NT5C: variants seen among roughly 807,000 people sequenced by gnomAD.
NT5C encodes 5', 3'-nucleotidase, cytosolic.
In NT5C, 14 loss-of-function variants were observed where a neutral mutation model predicts 17.6. That is an observed-to-expected ratio of 0.79 (90% CI 0.52 to 1.24). NT5C has a LOEUF of 1.24. Among genes scored for constraint, NT5C ranks in the 50% most tolerant of loss-of-function variants. The pLI is 0.00. For missense variants in NT5C, 328 were observed against 278.3 expected (o/e 1.18, Z -1.27); for synonymous variants, 153 against 119.2 (o/e 1.28, Z -1.85).
At position 75,131,683 on chromosome 17, in the gene NT5C, C is replaced by T; in HGVS notation, c.25G>A (p.Val9Met). The T allele has an allele frequency of 7.6e-7, 1 of 1,318,042 alleles. No homozygotes were observed. Among genetic ancestry groups the T allele is most frequent in the South Asian group, 2.1e-5 (1 of 47,858 alleles). The allele number at this position is 1,318,042 out of a possible 1,614,324, so 81.6% of individuals were successfully genotyped here. Residue 9 changes from valine to methionine, a missense_variant, in exon 1 of 5, where the codon GTG (valine) becomes ATG (methionine). Coordinates refer to ENST00000245552, the MANE Select transcript of NT5C (RefSeq NM_014595.3). MARSVRVL[V>M]DMDGVLADFE... ...TCGGCCAGGACGCCGTCCATGTCCA[C>T]CAGCACGCGCACGCTCCGCGCCATC...
At position 75,131,742 on chromosome 17, in the gene NT5C, T is replaced by A; in HGVS notation, c.-35A>T. On this transcript the variant is annotated 5_prime_UTR_variant, in exon 1 of 5. Transcript: ENST00000245552. Reference sequence around the variant, plus strand: ...GCCGGAGCTGCGAGCTCTCGGGGTCTGGGGGGCGCGGGCTCGGCCGGAAGC... The same window carrying A: ...GCCGGAGCTGCGAGCTCTCGGGGTCAGGGGGGCGCGGGCTCGGCCGGAAGC... 8.0e-7 allele frequency: 1 copy of A among 1,254,144 alleles called. No homozygotes were observed. The highest frequency in any genetic ancestry group is 1.0e-6 in the Non-Finnish European group (1 of 999,422). 77.7% of individuals were successfully genotyped at this position (1,254,144 alleles called of 1,614,324 possible).
At position 75,130,589 on chromosome 17, in the gene NT5C, G is replaced by A. The variant is rs752992129; in HGVS notation, c.505C>T (p.Arg169Trp). The A allele has an allele frequency of 6.2e-7, 1 of 1,614,080 alleles. No homozygotes were observed. ...EHILFTCCHN[R>W]HLVLPPTRRR... ...CTTGTCGGGGGCAGGACCAGGTGCC[G>A]ATTGTGGCAGCAGGTGAACAAGATG... Residue 169 changes from arginine to tryptophan, a missense_variant, in exon 5 of 5, where the codon CGG (arginine) becomes TGG (tryptophan). Arg to Trp is a moderately radical substitution (Grantham distance 101). Coordinates refer to ENST00000245552, the MANE Select transcript of NT5C (RefSeq NM_014595.3).
rs376973779 is a variant in NT5C, at chr17:75,131,112, A to G, written c.276-7T>C. 6.6e-5 allele frequency: 106 copies of G among 1,613,066 alleles called. No individual in the cohort carries two copies. Among genetic ancestry groups the G allele is most frequent in the Non-Finnish European group, 8.1e-5 (95 of 1,179,930 alleles). On this transcript the variant is annotated splice_polypyrimidine_tract_variant and splice_region_variant and intron_variant, in intron 2 of 4. Coordinates refer to ENST00000245552, the MANE Select transcript of NT5C (RefSeq NM_014595.3). ...GCAGATGAAGACCTGCGTGCTGCGGAGAAGGACGCGGTTACCGCCGGGAGC... is the reference window on the plus strand; with the variant it reads ...GCAGATGAAGACCTGCGTGCTGCGGGGAAGGACGCGGTTACCGCCGGGAGC...
At chr17:75,131,422 T>C (rs2074123017) in intron 1 of NT5C, 112 bp downstream of exon 1, 2 of 1,392,092 alleles carry the variant, frequency 1.4e-6, no homozygotes, top group Non-Finnish European at 1.9e-6. Flanking sequence ...CTCCCCAGGG[T>C]GCGCTGCCCG....
At position 75,130,827 on chromosome 17, in the gene NT5C, T is replaced by C; in HGVS notation, c.377A>G (p.Glu126Gly). The change falls in exon 4 of 5, where the codon GAA becomes GGA. Residue 126 changes from glutamate to glycine, a missense_variant. Transcript: ENST00000245552. ...CTTGTCCCTTGTCAGGATAATTCGT[T>C]CTACGAACTGGGGCCCCAGGTGCTG... ...VEQHLGPQFV[E>G]RIILTRDKTV... The C allele has an allele frequency of 6.2e-7, 1 of 1,614,094 alleles. No homozygotes were observed. The highest frequency in any genetic ancestry group is 1.3e-5 in the African/African-American group (1 of 75,032).
At chr17:75,131,143 G>A (rs377148952) in intron 2 of NT5C, 38 bp from the exon 3 acceptor site, 1 of 1,612,244 alleles carries the variant, frequency 6.2e-7, no homozygotes, top group East Asian at 2.2e-5. Flanking sequence ...GGAGCCAGGA[G>A]CCCGCCCAGG....
Position 75,131,189 on chromosome 17 carries a change from G to A in NT5C, c.267C>T (p.Asp89=), listed in dbSNP as rs2074116919. The part of the protein sequence containing the change: ...GALDAVREMN[D]LPDTQVFICT... ...CCCCCCTCTCTCCTTACTCCGGTAG[G>A]TCGTTCATCTCCCGCACAGCGTCCA... The change falls in exon 2 of 5, where the codon GAC becomes GAT. Residue 89 remains aspartate, a synonymous_variant. Coordinates refer to ENST00000245552, the MANE Select transcript of NT5C (RefSeq NM_014595.3). 2 of 1,613,644 alleles carry A rather than the reference G, an allele frequency of 1.2e-6. No homozygotes were observed. The highest frequency in any genetic ancestry group is 2.7e-5 in the African/African-American group (2 of 75,056).
chr17:75,130,435 C>G lies in NT5C; in HGVS notation c.*53G>C. 6.2e-7 allele frequency: 1 copy of G among 1,602,856 alleles called. No homozygotes were observed. Among genetic ancestry groups the G allele is most frequent in the Non-Finnish European group, 8.5e-7 (1 of 1,174,382 alleles). ...CGCCCCGACTCGGCTCTGCGGTGGC[C>G]CCTGTGGGCCTGCCCTTCCTTTAGC... On this transcript the variant is annotated 3_prime_UTR_variant, in exon 5 of 5. Transcript: ENST00000245552.
rs781124421 is a variant in NT5C at position 75,130,442 on chromosome 17, G to A, written c.*46C>T. Reference sequence around the variant, plus strand: ...ACTCGGCTCTGCGGTGGCCCCTGTGGGCCTGCCCTTCCTTTAGCTCCAGCT... The same window carrying A: ...ACTCGGCTCTGCGGTGGCCCCTGTGAGCCTGCCCTTCCTTTAGCTCCAGCT... On this transcript the variant is annotated 3_prime_UTR_variant, in exon 5 of 5. Transcript: ENST00000245552. 6.2e-7 allele frequency: 1 copy of A among 1,607,076 alleles called. No homozygotes were observed. Among genetic ancestry groups the A allele is most frequent in the Non-Finnish European group, 8.5e-7 (1 of 1,176,950 alleles).
In NT5C at chr17:75,130,572, G is replaced by A. The variant is rs976165289; in HGVS notation, c.522C>T (p.Pro174=). 13 of 1,614,108 alleles carry A rather than the reference G, an allele frequency of 8.1e-6. No individual in the cohort carries two copies. In the Middle Eastern group the frequency reaches 9.9e-4, roughly 122 times the overall value. ...AGGAGAGCAGCCGTCTCCTTGTCGGGGGCAGGACCAGGTGCCGATTGTGGC... is the reference window on the plus strand; with the variant it reads ...AGGAGAGCAGCCGTCTCCTTGTCGGAGGCAGGACCAGGTGCCGATTGTGGC... The part of the protein sequence containing the change: ...TCCHNRHLVL[P]PTRRRLLSWS... The change falls in exon 5 of 5, where the codon CCC becomes CCT. Residue 174 remains proline, a synonymous_variant. Transcript: ENST00000245552.
At position 75,130,602 on chromosome 17, in the gene NT5C, G is replaced by A. The variant is rs556622620; in HGVS notation, c.492C>T (p.Thr164=). The change falls in exon 5 of 5, where the codon ACC becomes ACT. Residue 164 remains threonine, a synonymous_variant. Coordinates refer to ENST00000245552, the MANE Select transcript of NT5C (RefSeq NM_014595.3). ...GGACCAGGTGCCGATTGTGGCAGCA[G>A]GTGAACAAGATGTGCTCCCAGCTTG... The part of the protein sequence containing the change: ...ETPSWEHILF[T]CCHNRHLVLP... 6.2e-7 allele frequency: 1 copy of A among 1,614,100 alleles called. No individual in the cohort carries two copies. The highest frequency in any genetic ancestry group is 1.1e-5 in the South Asian group (1 of 91,084).
In NT5C at chr17:75,131,629, G is replaced by C; in HGVS notation, c.79C>G (p.Arg27Gly). The C allele has an allele frequency of 7.3e-7, 1 of 1,375,896 alleles. No individual in the cohort carries two copies. Among genetic ancestry groups the C allele is most frequent in the Non-Finnish European group, 9.3e-7 (1 of 1,069,840 alleles). The allele number at this position is 1,375,896 out of a possible 1,614,324, so 85.2% of individuals were successfully genotyped here. A position where few individuals can be genotyped will look rare whatever the true frequency, so the allele number is the denominator to read the frequency against. ...TGCGGCTCCTCAGGGAAGCGGCGGC[G>C]GAAGCCCCGCAGGAGGCCGGCCTCG... ...DFEAGLLRGF[R>G]RRFPEEPHVP... The change falls in exon 1 of 5, where the codon CGC becomes GGC. Residue 27 changes from arginine to glycine, a missense_variant. Coordinates refer to ENST00000245552, the MANE Select transcript of NT5C (RefSeq NM_014595.3).
At chr17:75,131,160 C>T in intron 2 of NT5C, 21 bp downstream of exon 2, 3 of 1,612,616 alleles carry the variant, frequency 1.9e-6, no homozygotes, top group Non-Finnish European at 2.5e-6. Context: ...CAGGACTCCG[C>T]CCGCCCCCCT....
chr17:75,131,263 A>C lies in NT5C; in HGVS notation c.193T>G (p.Tyr65Asp). The C allele has an allele frequency of 6.2e-7, 1 of 1,613,932 alleles. No individual in the cohort carries two copies. Among genetic ancestry groups the C allele is most frequent in the Non-Finnish European group, 8.5e-7 (1 of 1,179,988 alleles). Reference sequence around the variant, plus strand: ...TCCAGGAAAAAGCCCGGGGCTTCGTACACACTGGCCACTTTATCCTGAAAG... The same window carrying C: ...TCCAGGAAAAAGCCCGGGGCTTCGTCCACACTGGCCACTTTATCCTGAAAG... Reference protein sequence around the residue: ...PDLADKVASVYEAPGFFLDLE... With the variant: ...PDLADKVASVDEAPGFFLDLE... The change falls in exon 2 of 5, where the codon TAC becomes GAC. Residue 65 changes from tyrosine (Y) to aspartate (D), a missense_variant. Coordinates refer to ENST00000245552, the MANE Select transcript of NT5C (RefSeq NM_014595.3).
rs2074118584 is a variant in NT5C at position 75,131,252 on chromosome 17, C to T, written c.204G>A (p.Pro68=). ...ADKVASVYEA[P]GFFLDLEPIP... ...TGGGCTCCAGGTCCAGGAAAAAGCC[C>T]GGGGCTTCGTACACACTGGCCACTT... is the stretch of plus-strand genomic sequence containing the variant. The change falls in exon 2 of 5, where the codon CCG becomes CCA. Residue 68 remains proline (P), a synonymous_variant. Coordinates refer to ENST00000245552, the MANE Select transcript of NT5C (RefSeq NM_014595.3). 1.2e-6 allele frequency: 2 copies of T among 1,613,932 alleles called. No individual in the cohort carries two copies. Among genetic ancestry groups the T allele is most frequent in the Non-Finnish European group, 8.5e-7 (1 of 1,180,040 alleles).
rs558972389 is a variant in NT5C at position 75,130,661 on chromosome 17, G to A, written c.452-19C>T. 1.5e-4 allele frequency: 237 copies of A among 1,614,040 alleles called. 3 individuals carry two copies. In the South Asian group the frequency reaches 2.5e-3, roughly 17 times the overall value. Reference sequence around the variant, plus strand: ...TCCTGGCCTAGGACAGTGAAAGACAGCGCGCTGCCATCTGTCATGGGTATT... The same window carrying A: ...TCCTGGCCTAGGACAGTGAAAGACAACGCGCTGCCATCTGTCATGGGTATT... On this transcript the variant is annotated intron_variant, in intron 4 of 4. Coordinates refer to ENST00000245552, the MANE Select transcript of NT5C (RefSeq NM_014595.3).
In NT5C at chr17:75,131,045, C is replaced by G; in HGVS notation, c.336G>C (p.Lys112Asn). The change falls in exon 3 of 5, where the codon AAG becomes AAC. Residue 112 changes from lysine to asparagine, a missense_variant and splice_region_variant. Transcript: ENST00000245552. ...LLKYHHCVGE[K>N]YRWVEQHLGP... is the part of the protein sequence containing the mutation. ...CGGAGTAGGGGCGGGGCAGCCACACCTTCTCACCCACACAGTGGTGGTACT... is the reference window on the plus strand; with the variant it reads ...CGGAGTAGGGGCGGGGCAGCCACACGTTCTCACCCACACAGTGGTGGTACT... 6.2e-7 allele frequency: 1 copy of G among 1,612,286 alleles called. No homozygotes were observed. Among genetic ancestry groups the G allele is most frequent in the Non-Finnish European group, 8.5e-7 (1 of 1,179,412 alleles).
At chr17:75,131,453 CTG>C (rs1568022919) in intron 1 of NT5C, 79 bp downstream of exon 1, 1 of 1,422,678 alleles carries the variant, frequency 7.0e-7, no homozygotes, top group Non-Finnish European at 9.3e-7. Flanking sequence ...GGTGAGAGCT[CTG>C]CGCCCTTCAC....
rs1030911364 is a variant in NT5C at position 75,131,354 on chromosome 17, G to A, written c.175-73C>T. On this transcript the variant is annotated intron_variant, in intron 1 of 4. Transcript: ENST00000245552. ...CCGCAGGGAGGCTCCTGGGGGCTCC[G>A]GGCCCGAGCTCAGAGGGGCGGAGGG... The A allele has an allele frequency of 6.2e-5, 94 of 1,522,138 alleles. 3 individuals carry two copies. In the South Asian group the frequency reaches 9.4e-4, roughly 15 times the overall value. The allele number at this position is 1,522,138 out of a possible 1,614,324, so 94.3% of individuals were successfully genotyped here. A position where few individuals can be genotyped will look rare whatever the true frequency, so the allele number is the denominator to read the frequency against.
Sources: allele counts gnomAD v4.1 joint callset, GRCh38; gene constraint gnomAD v4.1.1; transcripts MANE v1.5; gene names NCBI Gene and HGNC (gene_info 2026-07-23, HGNC 2026-07-21).